The following ERP44 variants were observed in gnomAD, a reference collection of about 807,000 sequenced individuals.
ERP44 encodes the protein endoplasmic reticulum protein 44.
In ERP44, 25 loss-of-function variants were observed where a neutral mutation model predicts 53.4. The observed-to-expected ratio is 0.47, with a 90% CI of 0.34 to 0.65. The LOEUF (loss-of-function observed/expected upper bound fraction) is 0.65. Among genes scored for constraint, ERP44 ranks in the 30% least tolerant of loss-of-function variants. The pLI is 0.01. For missense variants in ERP44, 338 were observed against 493.2 expected (o/e 0.69, Z 2.98); for synonymous variants, 145 against 161.2 (o/e 0.90, Z 0.76).
chr9:100,093,129 T>C (rs1379412639), intron 1 of ERP44, among the ~76,000 whole-genome samples: 1 of 152,190 alleles, frequency 6.6e-6, no homozygotes, highest in Non-Finnish European at 1.5e-5. Context: ...TGAAGTAAGC[T>C]ACAGTGCATT....
intron 4 of ERP44, among the ~76,000 whole-genome samples, chr9:100,044,457 G>A (rs1007472469): frequency 3.3e-5 from 5 of 151,066 alleles, no homozygotes; most frequent in African/African-American, 7.3e-5. Flanking sequence ...CATATTAAAC[G>A]AAATTCTTAA....
intron 1 of ERP44, among the ~76,000 whole-genome samples, chr9:100,092,545 T>C (rs955129462): frequency 1.3e-5 from 2 of 152,240 alleles, no homozygotes; most frequent in African/African-American, 4.8e-5. Flanking sequence ...TGCCATGACA[T>C]CTACTTTTGC....
intron 10 of ERP44, chr9:99,999,159 GC>G (rs1159870437): frequency 2.5e-5 from 14 of 549,968 alleles, no homozygotes; most frequent in Non-Finnish European, 4.2e-5. Flanking sequence ...CCAGGGCTCC[GC>G]CCCCCGACCC....
intron 8 of ERP44, 79 bp downstream of exon 8, chr9:100,016,225 AATTCATAACTCTGTTAAC>A: frequency 3.4e-6 from 5 of 1,475,902 alleles, no homozygotes; most frequent in Non-Finnish European, 3.6e-6. Flanking sequence ...TGATTCTTAC[AATTCATAACTCTGTTAAC>A]ATAGTAAGAC....
At chr9:100,096,688 A>G (rs1418558381) in intron 1 of ERP44, among the ~76,000 whole-genome samples, 3 of 152,190 alleles carry the variant, frequency 2.0e-5, no homozygotes, top group African/African-American at 7.2e-5. Context: ...AGCTTTTTAG[A>G]GGAGGCCATT....
In ERP44 at chr9:100,047,860, A is replaced by G. The variant is rs981762393; in HGVS notation, c.286+4557T>C. Among the ~76,000 whole-genome samples the G allele has an allele frequency of 2.4e-4, 36 of 152,208 alleles. 1 individual carries two copies. The highest frequency in any genetic ancestry group is 2.2e-3 in the Admixed American group (34 of 15,286). On this transcript the variant is annotated intron_variant, in intron 4 of 11. Coordinates refer to ENST00000262455, the MANE Select transcript of ERP44 (RefSeq NM_015051.3). ...TGAGGGGTGAATATCTAGAATATAC[A>G]AAGAACTCCTACAACTCAACATCAA...
chr9:99,998,661 C>T, intron 10 of ERP44: 2 of 765,922 alleles, frequency 2.6e-6, no homozygotes, highest in Non-Finnish European at 4.9e-6. Context: ...TGCTCTTTGT[C>T]ACTGCTGCTG....
At position 100,023,109 on chromosome 9, in the gene ERP44, G is replaced by A. The variant is rs536454156; in HGVS notation, c.287-883C>T. ...CAATAATCTGTCTGCTTTAGGAGCT[G>A]GTACTTCCTTGAAGCAGATGCATAA... is the stretch of plus-strand genomic sequence containing the variant. On this transcript the variant is annotated intron_variant, in intron 4 of 11. Transcript: ENST00000262455. 4.6e-5 allele frequency among the ~76,000 whole-genome samples: 7 copies of A among 152,184 alleles called. No individual in the cohort carries two copies. The South Asian group carries it at 1.5e-3, about 32-fold the overall frequency.
intron 4 of ERP44, among the ~76,000 whole-genome samples, chr9:100,023,428 TTTC>T (rs1272829130): frequency 8.1e-6 from 1 of 123,954 alleles, no homozygotes; most frequent in Non-Finnish European, 1.7e-5. Context: ...GAAACTTTGA[TTTC>T]TTTTTTTTTT....
intron 10 of ERP44, among the ~76,000 whole-genome samples, chr9:99,990,211 T>C (rs573998258): frequency 6.6e-6 from 1 of 152,046 alleles, no homozygotes; most frequent in African/African-American, 2.4e-5. Context: ...CCAAGACACA[T>C]AATTGTCAGA....
chr9:99,993,734 A>AAC (rs1830280459), intron 10 of ERP44, among the ~76,000 whole-genome samples: 1 of 152,208 alleles, frequency 6.6e-6, no homozygotes, highest in Non-Finnish European at 1.5e-5. Context: ...CAACCTTAAG[A>AAC]ATGGGAGAAA....
intron 1 of ERP44, among the ~76,000 whole-genome samples, chr9:100,088,647 A>G (rs1343916246): frequency 6.6e-6 from 1 of 152,232 alleles, no homozygotes; most frequent in Non-Finnish European, 1.5e-5. Context: ...TTTGTTTCAT[A>G]AAATCATAAT....
intron 7 of ERP44, among the ~76,000 whole-genome samples, 179 bp downstream of exon 7, chr9:100,018,077 T>C (rs1830542483): frequency 6.6e-6 from 1 of 152,016 alleles, no homozygotes; most frequent in African/African-American, 2.4e-5. Flanking sequence ...TGTGTGACTT[T>C]AGGCTTCTGT....
chr9:99,999,203 G>C (rs954673944), intron 10 of ERP44: 1 of 440,252 alleles, frequency 2.3e-6, no homozygotes, highest in African/African-American at 2.3e-5. Flanking sequence ...GCTCAAGGCC[G>C]TCCTCTCGAT....
chr9:100,041,677 C>A (rs1241593791), intron 4 of ERP44, among the ~76,000 whole-genome samples: 3 of 152,006 alleles, frequency 2.0e-5, no homozygotes. Flanking sequence ...AAAACAACAA[C>A]AACAACAACA....
intron 1 of ERP44, among the ~76,000 whole-genome samples, chr9:100,068,670 G>T (rs1222836602): frequency 8.4e-5 from 12 of 143,198 alleles, no homozygotes; most frequent in African/African-American, 3.1e-4. Context: ...GGAGGTGGGG[G>T]AGTCAACCCC....
intron 4 of ERP44, among the ~76,000 whole-genome samples, chr9:100,048,078 G>A (rs10819721): frequency 0.2 from 30,600 of 151,658 alleles, 5,150 homozygotes; most frequent in African/African-American, 0.46. Context: ...ACAAACAAAC[G>A]AACAAAAACA....
chr9:100,040,524 TGAAGA>T (rs1201967621), intron 4 of ERP44, among the ~76,000 whole-genome samples: 2 of 152,166 alleles, frequency 1.3e-5, no homozygotes, highest in Non-Finnish European at 2.9e-5. Flanking sequence ...CTCAACTTAA[TGAAGA>T]CAATGTACAA....
At chr9:99,998,379 G>C in intron 10 of ERP44, 1 of 608,526 alleles carries the variant, frequency 1.6e-6, no homozygotes, top group Non-Finnish European at 3.0e-6. Flanking sequence ...CGCCACACGC[G>C]AGCTCCCGGA....
Sources: allele counts gnomAD v4.1 joint callset (sites outside exome capture counted in the v4.1 genomes callset), GRCh38; gene constraint gnomAD v4.1.1; transcripts MANE v1.5; gene names NCBI Gene and HGNC (gene_info 2026-07-23, HGNC 2026-07-21).